PARVB: variants seen among roughly 807,000 people sequenced by gnomAD.
PARVB encodes the protein beta-parvin.
In PARVB, 46 loss-of-function variants were observed where a neutral mutation model predicts 47.0. That is an observed-to-expected ratio of 0.98 (90% CI 0.77 to 1.25). PARVB has a LOEUF of 1.25. PARVB is among the 50% of genes most tolerant of loss of function. The pLI is 0.00. For synonymous variants in PARVB, 196 were observed against 196.3 expected (o/e 1.00, Z 0.01); for missense variants, 473 against 471.6 (o/e 1.00, Z -0.03).
chr22:44,089,645 G>C lies in PARVB; in HGVS notation c.113-4283G>C, dbSNP rs1477572698. On this transcript the variant is annotated intron_variant, in intron 1 of 12. Coordinates refer to ENST00000338758, the MANE Select transcript of PARVB (RefSeq NM_013327.5). The surrounding 1 kb of genome is among the most constrained non-coding windows in gnomAD (Gnocchi z 4.0). ...GGTCGGGGGAGGGGGGAAGCCAAGGGTGTGAGAGGAGCCCCTCCTTCCAAA... is the reference window on the plus strand; with the variant it reads ...GGTCGGGGGAGGGGGGAAGCCAAGGCTGTGAGAGGAGCCCCTCCTTCCAAA... The C allele has an allele frequency of 6.6e-6, 1 of 152,228 alleles. No individual in the cohort carries two copies. Among genetic ancestry groups the C allele is most frequent in the Non-Finnish European group, 1.5e-5 (1 of 68,082 alleles). 9.4% of individuals were successfully genotyped at this position (152,228 alleles called of 1,614,324 possible).
intron 8 of PARVB, chr22:44,143,738 G>A (rs973747931): frequency 2.6e-5 from 4 of 152,394 alleles, no homozygotes; most frequent in Admixed American, 1.3e-4. Flanking sequence ...CAAGTCTCAG[G>A]GGTTCCAGGG....
chr22:44,129,947 C>T (rs140465935), intron 4 of PARVB, among the ~76,000 whole-genome samples: 8 of 152,098 alleles, frequency 5.3e-5, no homozygotes, highest in East Asian at 3.9e-4. Flanking sequence ...AGGGGTATTC[C>T]GAGCCCAGCA....
At position 44,103,311 on chromosome 22, in the gene PARVB, G is replaced by C. The variant is rs2052493580; in HGVS notation, c.273+3188G>C. On this transcript the variant is annotated intron_variant, in intron 3 of 12. Coordinates refer to ENST00000338758, the MANE Select transcript of PARVB (RefSeq NM_013327.5). This position sits in a 1 kb window ranked among gnomAD's most constrained non-coding sequence, Gnocchi z 4.6. ...ATAAATGCCTCTCCCCGACTTCCCTGATGTGGGCTTCTGAGACCATGGCTC... is the reference window on the plus strand; with the variant it reads ...ATAAATGCCTCTCCCCGACTTCCCTCATGTGGGCTTCTGAGACCATGGCTC... The C allele has an allele frequency of 6.6e-6, 1 of 152,254 alleles. No homozygotes were observed. Among genetic ancestry groups the C allele is most frequent in the Non-Finnish European group, 1.5e-5 (1 of 68,066 alleles). 9.4% of individuals were successfully genotyped at this position (152,254 alleles called of 1,614,324 possible).
intron 12 of PARVB, among the ~76,000 whole-genome samples, chr22:44,165,258 G>A (rs1002721168): frequency 1.3e-5 from 2 of 152,178 alleles, no homozygotes; most frequent in African/African-American, 2.4e-5. Context: ...ACAGGCACGA[G>A]CCCCCATGCC....
intron 1 of PARVB, among the ~76,000 whole-genome samples, chr22:44,038,215 A>G (rs1169206347): frequency 1.3e-5 from 2 of 152,194 alleles, no homozygotes; most frequent in African/African-American, 4.8e-5. Context: ...GGTGTGGTGC[A>G]TTCCCATTTC....
chr22:44,042,357 G>C (rs1304462617), intron 1 of PARVB, among the ~76,000 whole-genome samples: 2 of 152,146 alleles, frequency 1.3e-5, no homozygotes, highest in South Asian at 4.2e-4. Context: ...GGTGGCGGAG[G>C]TTGCGGTGAG....
chr22:44,085,343 T>A (rs2051999766), intron 1 of PARVB, among the ~76,000 whole-genome samples: 1 of 152,174 alleles, frequency 6.6e-6, no homozygotes, highest in African/African-American at 2.4e-5. Flanking sequence ...AAGATCTGGC[T>A]CTGTCACCCA....
Position 44,077,639 on chromosome 22 carries a change from G to A in PARVB, c.113-16289G>A, listed in dbSNP as rs556419537. Among the ~76,000 whole-genome samples the A allele has an allele frequency of 7.2e-5, 11 of 152,272 alleles. 1 individual carries two copies. The highest frequency in any genetic ancestry group is 2.4e-4 in the African/African-American group (10 of 41,538). On this transcript the variant is annotated intron_variant, in intron 1 of 12. Coordinates refer to ENST00000338758, the MANE Select transcript of PARVB (RefSeq NM_013327.5). ...GACGGGGAGTCGCCAGGTGGGTGCCGGGGAGGTGGGAAGCTCTGCAGGGGA... is the reference window on the plus strand; with the variant it reads ...GACGGGGAGTCGCCAGGTGGGTGCCAGGGAGGTGGGAAGCTCTGCAGGGGA...
rs1403551663 is a variant in PARVB at position 44,103,867 on chromosome 22, G to A, written c.273+3744G>A. The A allele has an allele frequency of 6.6e-6, 1 of 152,308 alleles. No individual in the cohort carries two copies. The highest frequency in any genetic ancestry group is 2.4e-5 in the African/African-American group (1 of 41,458). The allele number at this position is 152,308 out of a possible 1,614,324, so 9.4% of individuals were successfully genotyped here. ...AATGGATTCTCCACTAGAGAACCCA[G>A]AAGGAACCCTGGAGCCTCCAGAAGG... On this transcript the variant is annotated intron_variant, in intron 3 of 12. Coordinates refer to ENST00000338758, the MANE Select transcript of PARVB (RefSeq NM_013327.5). The surrounding 1 kb of genome is among the most constrained non-coding windows in gnomAD (Gnocchi z 4.6).
At chr22:44,007,584 T>C (rs572284225) in intron 2 of PARVB, among the ~76,000 whole-genome samples, 1 of 152,336 alleles carries the variant, frequency 6.6e-6, no homozygotes, top group South Asian at 2.1e-4. Context: ...TTTTAGAGGC[T>C]TTTCCAATCC....
At chr22:44,153,465 A>G (rs558817651) in intron 10 of PARVB, 2 of 152,150 alleles carry the variant, frequency 1.3e-5, no homozygotes, top group African/African-American at 4.8e-5. Context: ...AGTAGCTGGG[A>G]CTACAGGTGC....
chr22:44,041,576 G>T (rs1007985287), intron 1 of PARVB, among the ~76,000 whole-genome samples: 6 of 151,892 alleles, frequency 4.0e-5, no homozygotes, highest in African/African-American at 1.5e-4. Flanking sequence ...AAATGACTGG[G>T]CCTGATACAT....
intron 4 of PARVB, among the ~76,000 whole-genome samples, chr22:44,120,750 A>G (rs1422726238): frequency 1.3e-5 from 2 of 151,932 alleles, no homozygotes; most frequent in Non-Finnish European, 2.9e-5. Context: ...AACATAGCTC[A>G]CTGCACCCTC....
chr22:44,160,516 G>A (rs754487293), intron 11 of PARVB, among the ~76,000 whole-genome samples: 1 of 152,200 alleles, frequency 6.6e-6, no homozygotes, highest in Non-Finnish European at 1.5e-5. Flanking sequence ...CTGGGCCTTG[G>A]GGCCTCCTAC....
rs370055814 is a variant in PARVB at position 44,046,610 on chromosome 22, C to T, written c.112+22159C>T. ...CTGCCCGCTGACAATCATTGAGCCT[C>T]GGCAGGCTGGCCCCGATGACATGTT... On this transcript the variant is annotated intron_variant, in intron 1 of 12. Coordinates refer to ENST00000338758, the MANE Select transcript of PARVB (RefSeq NM_013327.5). 2.2e-4 allele frequency among the ~76,000 whole-genome samples: 33 copies of T among 152,356 alleles called. 1 individual carries two copies. Among genetic ancestry groups the T allele is most frequent in the South Asian group, 1.2e-3 (6 of 4,828 alleles).
At position 44,066,562 on chromosome 22, in the gene PARVB, G is replaced by C. The variant is rs75652478; in HGVS notation, c.113-27366G>C. 6.2e-3 allele frequency among the ~76,000 whole-genome samples: 937 copies of C among 152,312 alleles called. 12 individuals are homozygous for C. The highest frequency in any genetic ancestry group is 0.021 in the African/African-American group (883 of 41,568). On this transcript the variant is annotated intron_variant, in intron 1 of 12. Coordinates refer to ENST00000338758, the MANE Select transcript of PARVB (RefSeq NM_013327.5). The stretch of plus-strand genomic sequence containing the variant: ...CAGTGTTTCTCACCTTGGCACCCCA[G>C]GCTTGAGTGATGCCTGGCACACAGT...
At chr22:44,161,839 C>T (rs1020860725) in intron 11 of PARVB, among the ~76,000 whole-genome samples, 1 of 152,228 alleles carries the variant, frequency 6.6e-6, no homozygotes, top group Non-Finnish European at 1.5e-5. Context: ...CTCACTCCTC[C>T]CCCATTGCCA....
At chr22:44,090,475 G>A (rs571983251) in intron 1 of PARVB, among the ~76,000 whole-genome samples, 49 of 152,346 alleles carry the variant, frequency 3.2e-4, no homozygotes, top group African/African-American at 1.1e-3. Context: ...TTCAAGGGCG[G>A]TGTGGAAATC....
At chr22:44,023,816 G>C, upstream of PARVB, among the ~76,000 whole-genome samples, 1 of 152,144 alleles carries the variant, frequency 6.6e-6, no homozygotes, top group South Asian at 2.1e-4. Context: ...CCCCTTGGAG[G>C]TCAGGCCAAT....
Sources: allele counts gnomAD v4.1 joint callset (sites outside exome capture counted in the v4.1 genomes callset), GRCh38; gene constraint gnomAD v4.1.1; non-coding constraint Gnocchi (gnomAD v3.1); transcripts MANE v1.5; gene names NCBI Gene and HGNC (gene_info 2026-07-23, HGNC 2026-07-21).